Variants in HIP1 observed in about 807,000 individuals in gnomAD.
HIP1 encodes huntingtin interacting protein 1.
Under a neutral mutation model 147.6 loss-of-function variants are expected in HIP1, and 65 were observed. That is an observed-to-expected ratio of 0.44 (90% CI 0.36 to 0.54). HIP1 has a LOEUF of 0.54. HIP1 is among the 20% of genes least tolerant of loss of function. HIP1 has a pLI of 0.00. For missense variants in HIP1, 1,061 were observed against 1,299.6 expected (o/e 0.82, Z 2.82); for synonymous variants, 479 against 504.0 (o/e 0.95, Z 0.67).
At chr7:75,614,144 G>C (rs1554505543) in intron 1 of HIP1, among the ~76,000 whole-genome samples, 1 of 152,152 alleles carries the variant, frequency 6.6e-6, no homozygotes, top group Non-Finnish European at 1.5e-5. Flanking sequence ...CAAACTTCTG[G>C]CCTCAAGTGA....
chr7:75,595,828 G>A (rs1554501880), intron 2 of HIP1, among the ~76,000 whole-genome samples: 1 of 152,122 alleles, frequency 6.6e-6, no homozygotes, highest in African/African-American at 2.4e-5. Context: ...CCAAGGTGGC[G>A]GGCCAACCTG....
chr7:75,719,245 T>C (rs1403947138), intron 1 of HIP1, among the ~76,000 whole-genome samples: 2 of 151,936 alleles, frequency 1.3e-5, no homozygotes, highest in African/African-American at 4.8e-5. Flanking sequence ...TGGCTCATGC[T>C]TATAATCCCA....
intron 7 of HIP1, among the ~76,000 whole-genome samples, chr7:75,576,566 A>T (rs1554497756): frequency 6.6e-6 from 1 of 152,116 alleles, no homozygotes; most frequent in East Asian, 1.9e-4. Context: ...TACTAAAAAT[A>T]CAAAAATTGG....
rs140782652 is a variant in HIP1, at chr7:75,699,225, G to A, written c.120+39576C>T. Among the ~76,000 whole-genome samples the A allele has an allele frequency of 2.2e-3, 336 of 152,054 alleles. 1 individual carries two copies. The highest frequency in any genetic ancestry group is 7.6e-3 in the African/African-American group (317 of 41,492). The stretch of plus-strand genomic sequence containing the variant: ...CTCCCAAGTAACTAGGACTATAGGC[G>A]CTCGGCTTTCAAAGATTCTTACAAA... On this transcript the variant is annotated intron_variant, in intron 1 of 30. Transcript: ENST00000336926.
intron 1 of HIP1, among the ~76,000 whole-genome samples, chr7:75,638,005 T>TACACACACAC (rs372119007): frequency 1.8e-4 from 8 of 44,014 alleles, no homozygotes; most frequent in South Asian, 2.4e-3. Flanking sequence ...CACACACACA[T>TACACACACAC]ACACACACAC....
At chr7:75,569,975 G>GC (rs587705557) in intron 8 of HIP1, among the ~76,000 whole-genome samples, 1 of 149,248 alleles carries the variant, frequency 6.7e-6, no homozygotes, top group East Asian at 1.9e-4. Flanking sequence ...TCACTCTGTT[G>GC]CCAGGCTGGA....
intron 1 of HIP1, among the ~76,000 whole-genome samples, chr7:75,700,629 G>A (rs1183467396): frequency 6.6e-6 from 1 of 152,052 alleles, no homozygotes; most frequent in African/African-American, 2.4e-5. Flanking sequence ...AGCCACGGCA[G>A]AGACAAAAGA....
intron 1 of HIP1, among the ~76,000 whole-genome samples, chr7:75,674,653 T>C (rs2705814): frequency 0.57 from 85,777 of 151,588 alleles, 24,765 homozygotes; most frequent in African/African-American, 0.66. Flanking sequence ...CCACCACACC[T>C]AACTAATTTT....
intron 1 of HIP1, among the ~76,000 whole-genome samples, chr7:75,666,175 T>C (rs1391004251): frequency 6.8e-6 from 1 of 147,180 alleles, no homozygotes; most frequent in African/African-American, 2.5e-5. Flanking sequence ...TTAATTAATT[T>C]TATTTTTTTT....
At chr7:75,706,868 T>G (rs1395207523) in intron 1 of HIP1, among the ~76,000 whole-genome samples, 1 of 70,348 alleles carries the variant, frequency 1.4e-5, no homozygotes, top group Non-Finnish European at 2.7e-5. Flanking sequence ...CACCTATGAG[T>G]GAGAATATGC....
chr7:75,626,757 T>C (rs1362178883), intron 1 of HIP1: 2 of 152,202 alleles, frequency 1.3e-5, no homozygotes. Context: ...TATGGCCCCA[T>C]TTTGTTTAAA....
intron 1 of HIP1, among the ~76,000 whole-genome samples, chr7:75,637,274 A>G (rs1164271131): frequency 6.6e-6 from 1 of 152,212 alleles, no homozygotes; most frequent in Non-Finnish European, 1.5e-5. Context: ...TTAATGAGGG[A>G]TGGATGGACA....
chr7:75,736,054 G>T (rs1802009280), intron 1 of HIP1, among the ~76,000 whole-genome samples: 1 of 150,816 alleles, frequency 6.6e-6, no homozygotes, highest in Non-Finnish European at 1.5e-5. Context: ...AACACAGTGA[G>T]ACCTCCGTCT....
chr7:75,587,362 G>A (rs1351991935), intron 4 of HIP1, among the ~76,000 whole-genome samples: 6 of 152,278 alleles, frequency 3.9e-5, no homozygotes, highest in Middle Eastern at 3.4e-3. Context: ...GATTACAGGC[G>A]TGAGCCACCG....
At chr7:75,538,847 T>C (rs1265963911) in intron 30 of HIP1, among the ~76,000 whole-genome samples, 4 of 152,122 alleles carry the variant, frequency 2.6e-5, no homozygotes, top group African/African-American at 9.7e-5. Context: ...GTGCTGGGAT[T>C]ATAGGCGTGA....
At chr7:75,669,094 G>T (rs1277446956) in intron 1 of HIP1, among the ~76,000 whole-genome samples, 4 of 152,098 alleles carry the variant, frequency 2.6e-5, no homozygotes, top group Non-Finnish European at 2.9e-5. Context: ...GGCCGGGTGT[G>T]GTGGCTCACG....
At chr7:75,560,124 C>T (rs1305816983) in intron 13 of HIP1, among the ~76,000 whole-genome samples, 1 of 152,170 alleles carries the variant, frequency 6.6e-6, no homozygotes, top group African/African-American at 2.4e-5. Flanking sequence ...AATTGTGGTC[C>T]TCTTTAGAGT....
chr7:75,614,149 A>C, intron 1 of HIP1, among the ~76,000 whole-genome samples: 1 of 152,192 alleles, frequency 6.6e-6, no homozygotes, highest in East Asian at 1.9e-4. Flanking sequence ...TTCTGGCCTC[A>C]AGTGATCCTC....
intron 9 of HIP1, among the ~76,000 whole-genome samples, chr7:75,566,274 G>A (rs1218027097): frequency 3.3e-5 from 5 of 150,874 alleles, no homozygotes; most frequent in African/African-American, 1.2e-4. Flanking sequence ...TGCCCACCTC[G>A]GCCTCCCAAA....
Sources: allele counts gnomAD v4.1 joint callset (sites outside exome capture counted in the v4.1 genomes callset), GRCh38; gene constraint gnomAD v4.1.1; transcripts MANE v1.5; gene names NCBI Gene and HGNC (gene_info 2026-07-23, HGNC 2026-07-21).